GNAI2: variants seen among roughly 807,000 people sequenced by gnomAD.
The protein encoded by GNAI2 is guanine nucleotide-binding protein G(i) subunit alpha-2.
Under a neutral mutation model 36.8 loss-of-function variants are expected in GNAI2, and 4 were observed. The ratio of observed to expected loss-of-function variants is 0.11; its 90% CI spans 0.05 to 0.25. The LOEUF (loss-of-function observed/expected upper bound fraction) is 0.25, where lower values mean the gene tolerates loss of function less well. Ranked by LOEUF, GNAI2 falls within the 10% of genes least tolerant of loss-of-function variation. GNAI2 has a pLI of 1.00. For synonymous variants in GNAI2, 194 were observed against 194.1 expected (o/e 1.00, Z 0.01); for missense variants, 230 against 481.3 (o/e 0.48, Z 4.89).
intron 1 of GNAI2, among the ~76,000 whole-genome samples, chr3:50,246,579 G>A (rs1322983081): frequency 6.6e-6 from 1 of 152,224 alleles, no homozygotes; most frequent in African/African-American, 2.4e-5. Flanking sequence ...CAGTGTGGGC[G>A]GGCCTGGTGT....
At chr3:50,240,623 A>C (rs1384560171) in intron 1 of GNAI2, among the ~76,000 whole-genome samples, 1 of 152,120 alleles carries the variant, frequency 6.6e-6, no homozygotes, top group Non-Finnish European at 1.5e-5. Flanking sequence ...GGTATGAAAA[A>C]TGGGTGAGGG....
chr3:50,228,829 A>G (rs1470775753), upstream of GNAI2, among the ~76,000 whole-genome samples: 1 of 152,112 alleles, frequency 6.6e-6, no homozygotes, highest in African/African-American at 2.4e-5. Context: ...CCACTTCCCT[A>G]ACTCTGTCTG....
Position 50,253,063 on chromosome 3 carries a change from G to A in GNAI2, c.343G>A (p.Glu115Lys), listed in dbSNP as rs1347229421. The A allele has an allele frequency of 3.1e-6, 5 of 1,611,608 alleles. No individual in the cohort carries two copies. The South Asian group carries it at 3.3e-5, about 11-fold the overall frequency. The stretch of plus-strand genomic sequence containing the variant: ...GCTATTTGCACTGTCCTGCACCGCC[G>A]AGGAGCAAGGCGTGCTCCCTGATGA... ...RQLFALSCTA[E>K]EQGVLPDDLS... Residue 115 changes from glutamate (E) to lysine (K), a missense_variant, in exon 4 of 9, where the codon GAG becomes AAG. Physicochemically the swap from Glu to Lys is moderately conservative, Grantham distance 56. Transcript: ENST00000313601. This position sits in a 1 kb window ranked among gnomAD's most constrained non-coding sequence, Gnocchi z 4.2.
chr3:50,233,351 C>G (rs1316165520), upstream of GNAI2, among the ~76,000 whole-genome samples: 1 of 152,138 alleles, frequency 6.6e-6, no homozygotes, highest in African/African-American at 2.4e-5. Context: ...GAGAGCTGGG[C>G]CTCCAAGGGG....
chr3:50,227,156 G>A, upstream of GNAI2: 1 of 1,444,826 alleles, frequency 6.9e-7, no homozygotes, highest in Non-Finnish European at 9.1e-7. The surrounding 1 kb of genome is among the most constrained non-coding windows in gnomAD (Gnocchi z 5.9). Flanking sequence ...TAGGCTGGAC[G>A]AAGCAGAAAG....
In GNAI2 at chr3:50,253,588, CA is replaced by C. The variant is rs1700617423; in HGVS notation, c.464+410del. On this transcript the variant is annotated intron_variant, in intron 4 of 8. Coordinates refer to ENST00000313601, the MANE Select transcript of GNAI2 (RefSeq NM_002070.4). This position sits in a 1 kb window ranked among gnomAD's most constrained non-coding sequence, Gnocchi z 4.2. ...TGAAACCCCGTCTCTACTAAAAATA[CA>C]AAAAATTAGCCGGGCGTGGTGGAGG... Among the ~76,000 whole-genome samples the C allele has an allele frequency of 3.9e-5, 6 of 151,910 alleles. No individual in the cohort carries two copies. Among genetic ancestry groups the C allele is most frequent in the Non-Finnish European group, 2.9e-5 (2 of 67,956 alleles).
In GNAI2 at chr3:50,256,298, A is replaced by C. The variant is rs951992375; in HGVS notation, c.571A>C (p.Thr191Pro). 56 of 1,613,566 alleles carry C rather than the reference A, an allele frequency of 3.5e-5. No homozygotes were observed. The highest frequency in any genetic ancestry group is 4.7e-5 in the Non-Finnish European group (55 of 1,179,804). Residue 191 changes from threonine (T) to proline (P), a missense_variant, in exon 5 of 9, where the codon ACC becomes CCC. Physicochemically the swap from Thr to Pro is conservative, Grantham distance 38. This residue lies in a region of GNAI2 where 30 missense variants were observed against 128.7 expected (regional missense o/e 0.23). Transcript: ENST00000313601. ...KTTGIVETHFTFKDLHFKMFD... is the reference protein window; with the variant it reads ...KTTGIVETHFPFKDLHFKMFD... Reference sequence around the variant, plus strand: ...CACGGGGATCGTGGAGACACACTTCACCTTCAAGGACCTACACTTCAAGTG... The same window carrying C: ...CACGGGGATCGTGGAGACACACTTCCCCTTCAAGGACCTACACTTCAAGTG...
In GNAI2 at chr3:50,253,268, G is replaced by C; in HGVS notation, c.464+84G>C. ...GGACCGGAGGGCCTGAGAACCCCCA[G>C]AAGGACACTGCTGGTCTTTGCTTAT... On this transcript the variant is annotated intron_variant, in intron 4 of 8. Transcript: ENST00000313601. The surrounding 1 kb of genome is among the most constrained non-coding windows in gnomAD (Gnocchi z 4.2). The C allele has an allele frequency of 9.2e-7, 1 of 1,089,022 alleles. No homozygotes were observed. 67.5% of individuals were successfully genotyped at this position (1,089,022 alleles called of 1,614,324 possible). A position where few individuals can be genotyped will look rare whatever the true frequency, so the allele number is the denominator to read the frequency against.
In GNAI2 at chr3:50,258,998, T is replaced by G. The variant is rs1420897278; in HGVS notation, c.*655T>G. ...GCCCCCCCCCAGCCCCCCTTCCAAGTGACTCCGTGCCTTGAGTGTGTCTGC... is the reference window on the plus strand; with the variant it reads ...GCCCCCCCCCAGCCCCCCTTCCAAGGGACTCCGTGCCTTGAGTGTGTCTGC... On this transcript the variant is annotated 3_prime_UTR_variant, in exon 9 of 9. Coordinates refer to ENST00000313601, the MANE Select transcript of GNAI2 (RefSeq NM_002070.4). 1.1e-5 allele frequency: 5 copies of G among 435,946 alleles called. No individual in the cohort carries two copies. The highest frequency in any genetic ancestry group is 2.3e-5 in the Non-Finnish European group (5 of 221,918). The allele number at this position is 435,946 out of a possible 1,614,324, so 27.0% of individuals were successfully genotyped here. A position where few individuals can be genotyped will look rare whatever the true frequency, so the allele number is the denominator to read the frequency against.
chr3:50,242,144 T>A lies in GNAI2; in HGVS notation c.118+5691T>A, dbSNP rs1700312696. Among the ~76,000 whole-genome samples, 1 of 152,076 alleles carries A rather than the reference T, an allele frequency of 6.6e-6. No individual in the cohort carries two copies. Among genetic ancestry groups the A allele is most frequent in the South Asian group, 2.1e-4 (1 of 4,828 alleles). ...ACCCATTCACTTGGCGGGAACAGGA[T>A]GGAGGAAGCTTTGTCCACCCAAGCT... On this transcript the variant is annotated intron_variant, in intron 1 of 8. Coordinates refer to ENST00000313601, the MANE Select transcript of GNAI2 (RefSeq NM_002070.4). This position sits in a 1 kb window ranked among gnomAD's most constrained non-coding sequence, Gnocchi z 4.8.
Position 50,257,109 on chromosome 3 carries a change from T to C in GNAI2, c.877+19T>C, listed in dbSNP as rs1700720462. The C allele has an allele frequency of 1.2e-5, 19 of 1,609,262 alleles. No individual in the cohort carries two copies. Among genetic ancestry groups the C allele is most frequent in the Non-Finnish European group, 1.5e-5 (18 of 1,176,708 alleles). ...TACACAGGTGTGGGGACTGTGGGGA[T>C]AGGGCCTCCAGAGGGTTGCTTCTTG... On this transcript the variant is annotated intron_variant, in intron 7 of 8. Coordinates refer to ENST00000313601, the MANE Select transcript of GNAI2 (RefSeq NM_002070.4).
chr3:50,230,394 A>G (rs1700049393), upstream of GNAI2: 2 of 152,272 alleles, frequency 1.3e-5, no homozygotes, highest in South Asian at 4.1e-4. Context: ...ACTCCCTGTC[A>G]TCTGGGAGCC....
At position 50,256,265 on chromosome 3, in the gene GNAI2, G is replaced by A. The variant is rs782366732; in HGVS notation, c.538G>A (p.Val180Ile). The A allele has an allele frequency of 2.5e-6, 4 of 1,610,516 alleles. No individual in the cohort carries two copies. The highest frequency in any genetic ancestry group is 1.7e-5 in the Admixed American group (1 of 59,842). ...PTQQDVLRTR[V>I]KTTGIVETHF... ...ACAGCAAGATGTGCTACGGACCCGC[G>A]TAAAGACCACGGGGATCGTGGAGAC... Residue 180 changes from valine to isoleucine, a missense_variant, in exon 5 of 9, where the codon GTA becomes ATA. Coordinates refer to ENST00000313601, the MANE Select transcript of GNAI2 (RefSeq NM_002070.4).
In GNAI2 at chr3:50,254,494, A is replaced by T. The variant is rs587757554; in HGVS notation, c.464+1310A>T. ...GATTCCTGAGCCCTGTCCAAGCCAC[A>T]TGAACAGCCTCCTCCTACCCTTCTT... On this transcript the variant is annotated intron_variant, in intron 4 of 8. Coordinates refer to ENST00000313601, the MANE Select transcript of GNAI2 (RefSeq NM_002070.4). 2.0e-4 allele frequency among the ~76,000 whole-genome samples: 30 copies of T among 152,284 alleles called. No individual in the cohort carries two copies. The East Asian group carries it at 5.6e-3, about 28-fold the overall frequency.
chr3:50,245,750 G>A (rs1553701668), intron 1 of GNAI2, among the ~76,000 whole-genome samples: 1 of 152,264 alleles, frequency 6.6e-6, no homozygotes, highest in Non-Finnish European at 1.5e-5. Context: ...AGTGGAAAGG[G>A]CCCCACTGAG....
chr3:50,232,305 G>A (rs1700081169), upstream of GNAI2, among the ~76,000 whole-genome samples: 1 of 152,122 alleles, frequency 6.6e-6, no homozygotes, highest in South Asian at 2.1e-4. Flanking sequence ...GCTCCAGCTT[G>A]GGTGATAGAG....
intron 1 of GNAI2, among the ~76,000 whole-genome samples, chr3:50,250,756 G>A (rs1468923281): frequency 6.6e-6 from 1 of 151,962 alleles, no homozygotes; most frequent in African/African-American, 2.4e-5. Context: ...CAGGCTCCTG[G>A]GCTGCACTCC....
intron 1 of GNAI2, chr3:50,231,125 C>T (rs1237159526): frequency 2.9e-5 from 5 of 171,882 alleles, no homozygotes; most frequent in African/African-American, 4.8e-5. Flanking sequence ...CCGCACTGTT[C>T]TTCTCCCTCT....
Position 50,242,263 on chromosome 3 carries a change from C to T in GNAI2, c.118+5810C>T, listed in dbSNP as rs1700314819. On this transcript the variant is annotated intron_variant, in intron 1 of 8. Coordinates refer to ENST00000313601, the MANE Select transcript of GNAI2 (RefSeq NM_002070.4). This position sits in a 1 kb window ranked among gnomAD's most constrained non-coding sequence, Gnocchi z 4.8. ...AGCCTGAGTGCTGCCTCCCCTACAT[C>T]CCGTTGTGCTGTGGGGGGAGGCAGG... Among the ~76,000 whole-genome samples the T allele has an allele frequency of 1.3e-5, 2 of 152,118 alleles. No individual in the cohort carries two copies. Among genetic ancestry groups the T allele is most frequent in the South Asian group, 2.1e-4 (1 of 4,826 alleles).
Sources: allele counts gnomAD v4.1 joint callset (sites outside exome capture counted in the v4.1 genomes callset), GRCh38; gene constraint gnomAD v4.1.1; regional missense constraint gnomAD v4.1.1; non-coding constraint Gnocchi (gnomAD v3.1); transcripts MANE v1.5; gene names NCBI Gene and HGNC (gene_info 2026-07-23, HGNC 2026-07-21).